EML1: variants seen among roughly 807,000 people sequenced by gnomAD.
The protein encoded by EML1 is echinoderm microtubule-associated protein-like 1.
A neutral mutation model predicts 110.4 loss-of-function variants in EML1; 27 were observed. The observed-to-expected ratio is 0.24, with a 90% CI of 0.18 to 0.34. The LOEUF (loss-of-function observed/expected upper bound fraction) is 0.34, where lower values mean the gene tolerates loss of function less well. Among genes scored for constraint, EML1 ranks in the 10% least tolerant of loss-of-function variants. The pLI is 1.00. For synonymous variants in EML1, 344 were observed against 385.8 expected (o/e 0.89, Z 1.27); for missense variants, 741 against 1,030.9 (o/e 0.72, Z 3.85).
chr14:99,809,056 T>C (rs576086948), intron 1 of EML1, among the ~76,000 whole-genome samples: 1 of 152,336 alleles, frequency 6.6e-6, no homozygotes, highest in East Asian at 1.9e-4. Flanking sequence ...CTATACCAAG[T>C]GGCTTTCTAT....
intron 2 of EML1, among the ~76,000 whole-genome samples, chr14:99,861,360 G>A (rs938704222): frequency 3.3e-5 from 5 of 152,228 alleles, no homozygotes; most frequent in Non-Finnish European, 7.3e-5. Context: ...TTGGCCCTCA[G>A]CTTTAGGGAC....
chr14:99,756,899 G>A (rs1425138910), intron 1 of EML1, among the ~76,000 whole-genome samples: 5 of 152,142 alleles, frequency 3.3e-5, no homozygotes, highest in East Asian at 1.9e-4. Flanking sequence ...CACAGGGCGC[G>A]TATACACTCA....
At chr14:99,796,168 C>CA (rs955313373) in intron 1 of EML1, among the ~76,000 whole-genome samples, 1 of 136,254 alleles carries the variant, frequency 7.3e-6, no homozygotes, top group Non-Finnish European at 1.6e-5. Context: ...GCCTGGGTGA[C>CA]AAAGTGAGAC....
intron 5 of EML1, among the ~76,000 whole-genome samples, chr14:99,891,654 T>C (rs2059589871): frequency 6.6e-6 from 1 of 152,254 alleles, no homozygotes; most frequent in Admixed American, 6.5e-5. Context: ...TAGCTTTTCT[T>C]TTTCTGCCTA....
chr14:99,793,383 G>A (rs2140231959), upstream of EML1: 2 of 996,328 alleles, frequency 2.0e-6, no homozygotes, highest in South Asian at 9.0e-5. Context: ...CGGCCCCAGC[G>A]CCAGCGCCGG....
chr14:99,912,701 A>G (rs1460052694), intron 13 of EML1, among the ~76,000 whole-genome samples: 1 of 152,244 alleles, frequency 6.6e-6, no homozygotes, highest in Admixed American at 6.5e-5. Flanking sequence ...AACATTTTTA[A>G]TAATAAGATT....
intron 1 of EML1, among the ~76,000 whole-genome samples, chr14:99,796,909 ATGTGTGTGTG>A (rs369237790): frequency 7.0e-6 from 1 of 142,676 alleles, no homozygotes; most frequent in Non-Finnish European, 1.6e-5. Context: ...TTGTGTGTGT[ATGTGTGTGTG>A]TGTGTGTGTG....
At chr14:99,760,040 G>A (rs2057297532) in intron 1 of EML1, among the ~76,000 whole-genome samples, 1 of 133,722 alleles carries the variant, frequency 7.5e-6, no homozygotes, top group Admixed American at 8.2e-5. Context: ...CCGGGAGGCG[G>A]ATGTTGCACC....
chr14:99,826,174 G>A (rs1201799278), intron 1 of EML1, among the ~76,000 whole-genome samples: 2 of 143,036 alleles, frequency 1.4e-5, no homozygotes, highest in Non-Finnish European at 3.0e-5. Flanking sequence ...GTGCAGTGGC[G>A]TGATCTCGGC....
intron 1 of EML1, among the ~76,000 whole-genome samples, chr14:99,767,660 C>T (rs1032855263): frequency 6.6e-6 from 1 of 151,898 alleles, no homozygotes; most frequent in Non-Finnish European, 1.5e-5. Context: ...TCTGTGGGAT[C>T]CTTTGAAAAA....
At chr14:99,930,035 GC>G (rs1275963996) in intron 17 of EML1, among the ~76,000 whole-genome samples, 1 of 152,164 alleles carries the variant, frequency 6.6e-6, no homozygotes, top group Non-Finnish European at 1.5e-5. Context: ...GAGGCCCCCT[GC>G]CCAAAGATAA....
chr14:99,875,754 G>A (rs1041734577), intron 3 of EML1, among the ~76,000 whole-genome samples: 60 of 152,144 alleles, frequency 3.9e-4, no homozygotes, highest in African/African-American at 1.2e-3. Flanking sequence ...GGTGTTTGTC[G>A]TCATGGGAAC....
chr14:99,809,492 T>C, intron 1 of EML1: 1 of 363,868 alleles, frequency 2.7e-6, no homozygotes, highest in Non-Finnish European at 5.4e-6. Context: ...GCCCAGAAGC[T>C]GTGTCCAGCA....
chr14:99,812,413 T>A (rs1231900906), intron 1 of EML1, among the ~76,000 whole-genome samples: 1 of 151,910 alleles, frequency 6.6e-6, no homozygotes, highest in Admixed American at 6.6e-5. Flanking sequence ...AAAAGGTAGA[T>A]GCCAGGCAGC....
chr14:99,924,190 T>C (rs575744331), intron 17 of EML1, among the ~76,000 whole-genome samples: 167 of 151,430 alleles, frequency 1.1e-3, no homozygotes, highest in African/African-American at 3.9e-3. Context: ...GTTTTTTTTA[T>C]GCCATTGTGA....
chr14:99,742,446 G>A (rs1290362493), intron 1 of EML1, among the ~76,000 whole-genome samples: 10 of 152,146 alleles, frequency 6.6e-5, no homozygotes, highest in Non-Finnish European at 5.9e-5. Flanking sequence ...AGGATCTGGA[G>A]GCCCAGAGGC....
At chr14:99,817,032 A>G (rs2058179489) in intron 1 of EML1, among the ~76,000 whole-genome samples, 1 of 152,192 alleles carries the variant, frequency 6.6e-6, no homozygotes, top group Non-Finnish European at 1.5e-5. Context: ...TGTCATCAAA[A>G]CAGCATGTAG....
At chr14:99,824,771 CT>C (rs556426023) in intron 1 of EML1, among the ~76,000 whole-genome samples, 91 of 152,226 alleles carry the variant, frequency 6.0e-4, no homozygotes, top group African/African-American at 2.0e-3. Flanking sequence ...ATCCTCCCCC[CT>C]CCTACCCTCC....
chr14:99,932,937 G>A (rs1481901569), intron 17 of EML1, among the ~76,000 whole-genome samples: 1 of 152,020 alleles, frequency 6.6e-6, no homozygotes, highest in African/African-American at 2.4e-5. Flanking sequence ...GCAACATAGT[G>A]AGACCCCCGT....
Sources: allele counts gnomAD v4.1 joint callset (sites outside exome capture counted in the v4.1 genomes callset), GRCh38; gene constraint gnomAD v4.1.1; transcripts MANE v1.5; gene names NCBI Gene and HGNC (gene_info 2026-07-23, HGNC 2026-07-21).